The following HDGF variants were observed in gnomAD, a reference collection of about 807,000 sequenced individuals.
The protein encoded by HDGF is heparin binding growth factor, also known as hepatoma-derived growth factor.
In HDGF, 5 loss-of-function variants were observed where a neutral mutation model predicts 30.0. The observed-to-expected ratio is 0.17, with a 90% CI of 0.09 to 0.35. HDGF has a LOEUF of 0.35. Ranked by LOEUF, HDGF falls within the 10% of genes least tolerant of loss-of-function variation. The pLI, the probability that HDGF is intolerant of heterozygous loss-of-function variation, is 1.00. For missense variants in HDGF, 214 were observed against 302.8 expected (o/e 0.71, Z 2.18); for synonymous variants, 133 against 112.7 (o/e 1.18, Z -1.14).
intron 1 of HDGF, among the ~76,000 whole-genome samples, chr1:156,761,968 A>G (rs980311474): frequency 2.0e-5 from 3 of 147,538 alleles, no homozygotes; most frequent in Non-Finnish European, 3.0e-5. Context: ...TAATTAAAAA[A>G]AAAACACAAA....
rs142544850 is a variant in HDGF, at chr1:156,762,180, T to G, written n.137-2961A>C. ...ATTATATCAAGACACTGAAAAAAACTCTTGCAAATCAATAAAAGGATAAAC... is the reference window on the plus strand; with the variant it reads ...ATTATATCAAGACACTGAAAAAAACGCTTGCAAATCAATAAAAGGATAAAC... On this transcript the variant is annotated intron_variant and non_coding_transcript_variant, in intron 1 of 7. Transcript: ENST00000465180. Among the ~76,000 whole-genome samples the G allele has an allele frequency of 3.5e-4, 53 of 149,908 alleles. No individual in the cohort carries two copies. In the South Asian group the frequency reaches 3.8e-3, roughly 11 times the overall value.
At chr1:156,746,295 T>C (rs1471487565) in intron 1 of HDGF, among the ~76,000 whole-genome samples, 1 of 151,966 alleles carries the variant, frequency 6.6e-6, no homozygotes, top group African/African-American at 2.4e-5. Context: ...TGCAGCACGG[T>C]GCTTAGCATA....
At chr1:156,749,152 C>G (rs1235964229) in intron 1 of HDGF, among the ~76,000 whole-genome samples, 1 of 152,232 alleles carries the variant, frequency 6.6e-6, no homozygotes, top group African/African-American at 2.4e-5. Context: ...GGCTCTCTCT[C>G]AAGCACTGGG....
chr1:156,761,939 C>CAAA (rs112163886), intron 1 of HDGF, among the ~76,000 whole-genome samples: 8 of 128,544 alleles, frequency 6.2e-5, no homozygotes, highest in African/African-American at 9.0e-5. Context: ...GTCTCCATCT[C>CAAA]AAAAAAAAAA....
chr1:156,752,102 A>T (rs1308917927), upstream of HDGF: 1 of 1,551,578 alleles, frequency 6.4e-7, no homozygotes, highest in Admixed American at 2.0e-5. Context: ...CCTCTGCTCC[A>T]TCTCAATCCA....
intron 3 of HDGF, chr1:156,744,703 T>G (rs1476633829): frequency 7.2e-6 from 4 of 553,490 alleles, no homozygotes; most frequent in Non-Finnish European, 3.0e-6. Flanking sequence ...GAAGCCTTTG[T>G]GGAAAGAGTT....
chr1:156,763,919 A>G (rs554265937), intron 1 of HDGF, among the ~76,000 whole-genome samples: 5 of 151,496 alleles, frequency 3.3e-5, no homozygotes, highest in Non-Finnish European at 7.4e-5. Flanking sequence ...TTTTACTGAG[A>G]CAGGGTCATG....
chr1:156,747,007 C>T lies in HDGF; in HGVS notation c.88-1634G>A, dbSNP rs537104101. Among the ~76,000 whole-genome samples, 3 of 152,054 alleles carry T rather than the reference C, an allele frequency of 2.0e-5. No homozygotes were observed. The East Asian group carries it at 5.8e-4, about 30-fold the overall frequency. On this transcript the variant is annotated intron_variant, in intron 1 of 5. Transcript: ENST00000357325. ...TTGCTCCAGACTTGGAATCTTCAGG[C>T]TTTTGGGCACCTCCCCGCTTGCCCC...
Position 156,745,041 on chromosome 1 carries a change from C to T in HDGF, c.270G>A (p.Glu90=), listed in dbSNP as rs17851699. The T allele has an allele frequency of 8.3e-4, 1,336 of 1,614,060 alleles. 9 individuals carry two copies. In the African/African-American group the frequency reaches 0.015, roughly 18 times the overall value. Residue 90 remains glutamate (E), a synonymous_variant, in exon 3 of 6, where the codon GAG becomes GAA. Transcript: ENST00000357325. The part of the protein sequence containing the change: ...KGFSEGLWEI[E]NNPTVKASGY... ...CGGAAGCCTTGACAGTAGGGTTGTT[C>T]TCGATCTCCCACAGCCCCTCGCTGA...
intron 2 of HDGF, among the ~76,000 whole-genome samples, chr1:156,757,588 T>C (rs1571560790): frequency 6.7e-6 from 1 of 150,042 alleles, no homozygotes; most frequent in Non-Finnish European, 1.5e-5. Flanking sequence ...AGGCCAGGAG[T>C]TCAAGACCAG....
At chr1:156,763,213 C>T (rs1320945413) in intron 1 of HDGF, among the ~76,000 whole-genome samples, 1 of 151,780 alleles carries the variant, frequency 6.6e-6, no homozygotes, top group Non-Finnish European at 1.5e-5. Context: ...TTCATTCTCT[C>T]TCTTTTTTTT....
chr1:156,743,173 A>G lies in HDGF; in HGVS notation c.*276T>C, dbSNP rs1359019118. On this transcript the variant is annotated 3_prime_UTR_variant, in exon 6 of 6. Coordinates refer to ENST00000357325, the MANE Select transcript of HDGF (RefSeq NM_004494.3). ...AGCAGAAGCCTGGAAAATAGCTCCA[A>G]GCGGAAGGAACACAGTGGCCTCAAC... 1.6e-5 allele frequency: 6 copies of G among 385,800 alleles called. No individual in the cohort carries two copies. The highest frequency in any genetic ancestry group is 2.8e-5 in the Non-Finnish European group (6 of 215,578). The allele number at this position is 385,800 out of a possible 1,614,324, so 23.9% of individuals were successfully genotyped here.
upstream of HDGF, chr1:156,751,814 T>G: frequency 1.1e-6 from 1 of 880,782 alleles, no homozygotes; most frequent in Non-Finnish European, 1.4e-6. This position sits in a 1 kb window ranked among gnomAD's most constrained non-coding sequence, Gnocchi z 4.7. Context: ...CCGCGGCGGT[T>G]TGATGCGTGC....
At position 156,743,383 on chromosome 1, in the gene HDGF, A is replaced by C; in HGVS notation, c.*66T>G. On this transcript the variant is annotated 3_prime_UTR_variant, in exon 6 of 6. Transcript: ENST00000357325. ...GGTTCCCAGTTTGCAGGCCATGGCC[A>C]GTTTCCCCAGTAGCACCCAGACAGC... 29 of 1,484,646 alleles carry C rather than the reference A, an allele frequency of 2.0e-5. No individual in the cohort carries two copies. The highest frequency in any genetic ancestry group is 2.3e-5 in the Non-Finnish European group (26 of 1,111,490). 92.0% of individuals were successfully genotyped at this position (1,484,646 alleles called of 1,614,324 possible).
Position 156,761,035 on chromosome 1 carries a change from CA to C in HDGF, n.137-1817del, listed in dbSNP as rs895714655. Among the ~76,000 whole-genome samples the C allele has an allele frequency of 4.6e-5, 7 of 152,030 alleles. No individual in the cohort carries two copies. The East Asian group carries it at 1.4e-3, about 29-fold the overall frequency. The stretch of plus-strand genomic sequence containing the variant: ...CAAAAATGTTTCTACAAAAAAAATA[CA>C]GGCAGGGATCACGCCTGTAATCCCA... On this transcript the variant is annotated intron_variant and non_coding_transcript_variant, in intron 1 of 7. Transcript: ENST00000465180.
At chr1:156,743,952 G>C (rs1650323119) in intron 4 of HDGF, 74 bp from the exon 5 acceptor site, 1 of 1,213,152 alleles carries the variant, frequency 8.2e-7, no homozygotes, top group Admixed American at 1.7e-5. Flanking sequence ...CTCTCCTCCG[G>C]GGCTCCTTCC....
In HDGF at chr1:156,743,667, A is replaced by T. The variant is rs1484279318; in HGVS notation, c.701T>A (p.Ile234Asn). The change falls in exon 5 of 6, where the codon ATC (isoleucine) becomes AAC (asparagine). Residue 234 changes from isoleucine to asparagine, a missense_variant. By Grantham distance (149) the Ile-to-Asn change is moderately radical. This residue lies in a region of HDGF where 176 missense variants were observed against 211.7 expected (regional missense o/e 0.83). Transcript: ENST00000357325. ...ATKEDAEAPG[I>N]RDHESL ...GCTCACTCACCTCTCATGATCTCTG[A>T]TGCCTGGGGCCTCAGCATCTTCCTT... 1.9e-6 allele frequency: 3 copies of T among 1,612,300 alleles called. No homozygotes were observed. The highest frequency in any genetic ancestry group is 2.5e-6 in the Non-Finnish European group (3 of 1,178,816).
intron 1 of HDGF, among the ~76,000 whole-genome samples, chr1:156,750,141 G>A (rs1363057091): frequency 6.6e-6 from 1 of 152,060 alleles, no homozygotes; most frequent in East Asian, 1.9e-4. Context: ...CCCAAAGTTG[G>A]CCTGATACCC....
upstream of HDGF, chr1:156,755,687 ATAGT>A (rs1391210761): frequency 1.3e-5 from 2 of 152,196 alleles, no homozygotes; most frequent in Non-Finnish European, 1.5e-5. Context: ...AGAGAGAAGA[ATAGT>A]TAGATTAGAC....
Sources: allele counts gnomAD v4.1 joint callset (sites outside exome capture counted in the v4.1 genomes callset), GRCh38; gene constraint gnomAD v4.1.1; regional missense constraint gnomAD v4.1.1; non-coding constraint Gnocchi (gnomAD v3.1); transcripts MANE v1.5; gene names NCBI Gene and HGNC (gene_info 2026-07-23, HGNC 2026-07-21).